Variants in RBKS observed in about 807,000 individuals in gnomAD.
RBKS encodes ribokinase.
Under a neutral mutation model 33.9 loss-of-function variants are expected in RBKS, and 33 were observed. The ratio of observed to expected loss-of-function variants is 0.97; its 90% CI spans 0.74 to 1.30. The LOEUF is 1.30. Among genes scored for constraint, RBKS ranks in the 50% most tolerant of loss-of-function variants. RBKS has a pLI of 0.00. For synonymous variants in RBKS, 125 were observed against 143.0 expected, an observed-to-expected ratio of 0.87 and a Z score of 0.90; for missense variants, 361 against 392.6, an observed-to-expected ratio of 0.92 and a Z score of 0.68.
intron 1 of RBKS, among the ~76,000 whole-genome samples, chr2:27,871,550 A>C (rs1354079459): frequency 6.6e-6 from 1 of 152,112 alleles, no homozygotes; most frequent in Admixed American, 6.6e-5. Context: ...TTTATTTTTT[A>C]CTAATTTGGC....
intron 7 of RBKS, among the ~76,000 whole-genome samples, chr2:27,821,412 T>C (rs531076284): frequency 1.3e-5 from 2 of 152,338 alleles, no homozygotes; most frequent in East Asian, 3.9e-4. Context: ...CAATTACACA[T>C]ATTAATCCTA....
intron 5 of RBKS, among the ~76,000 whole-genome samples, chr2:27,842,744 C>T (rs1214448787): frequency 6.6e-6 from 1 of 151,994 alleles, no homozygotes; most frequent in Non-Finnish European, 1.5e-5. Context: ...GCAACCTCCA[C>T]CTCTAGGGTT....
rs1678444942 is a variant in RBKS at position 27,832,733 on chromosome 2, G to A, written c.559C>T (p.Pro187Ser). ...ACATCTGAGAGGGTGTAGAACTGGG[G>A]ATCCAGGTCAGCAATGGCAGGGGCT... ...NPAPAIADLDPQFYTLSDVFC... is the reference protein window; with the variant it reads ...NPAPAIADLDSQFYTLSDVFC... The change falls in exon 6 of 8, where the codon CCC becomes TCC. Residue 187 changes from proline (P) to serine (S), a missense_variant. Transcript: ENST00000302188. The A allele has an allele frequency of 6.2e-7, 1 of 1,612,790 alleles. No individual in the cohort carries two copies. The highest frequency in any genetic ancestry group is 1.7e-5 in the Admixed American group (1 of 59,930).
intron 7 of RBKS, among the ~76,000 whole-genome samples, chr2:27,801,817 AAG>A (rs373339076): frequency 2.1e-3 from 323 of 151,326 alleles, no homozygotes; most frequent in Non-Finnish European, 3.5e-3. Context: ...GCAGGAGCAA[AAG>A]AGAGTGACGG....
chr2:27,845,036 C>T (rs887248430), intron 4 of RBKS, among the ~76,000 whole-genome samples: 1 of 152,214 alleles, frequency 6.6e-6, no homozygotes, highest in East Asian at 1.9e-4. Flanking sequence ...GGGGATGGTT[C>T]AGCATAAACC....
intron 1 of RBKS, chr2:27,861,665 G>GGGA: frequency 2.3e-6 from 1 of 426,290 alleles, no homozygotes; most frequent in East Asian, 8.5e-5. Context: ...TTTCTTTTTG[G>GGGA]GGGGGGGGTG....
At chr2:27,787,540 A>G (rs748784328) in intron 7 of RBKS, among the ~76,000 whole-genome samples, 1 of 152,174 alleles carries the variant, frequency 6.6e-6, no homozygotes, top group Non-Finnish European at 1.5e-5. Context: ...GATTACAGGT[A>G]CGAGCCACTG....
intron 7 of RBKS, among the ~76,000 whole-genome samples, chr2:27,825,219 C>T (rs1678287784): frequency 6.6e-6 from 1 of 152,164 alleles, no homozygotes; most frequent in Non-Finnish European, 1.5e-5. Context: ...TTATGTCCCC[C>T]CATGTGCAAA....
chr2:27,876,561 C>T (rs1242011661), intron 1 of RBKS, among the ~76,000 whole-genome samples: 2 of 152,130 alleles, frequency 1.3e-5, no homozygotes, highest in Non-Finnish European at 2.9e-5. Flanking sequence ...AAGTAAGTCA[C>T]ATAACGGCAA....
chr2:27,872,671 C>T lies in RBKS; in HGVS notation c.90-14100G>A, dbSNP rs79434976. 6.4e-3 allele frequency among the ~76,000 whole-genome samples: 976 copies of T among 152,080 alleles called. 8 individuals are homozygous for T. The highest frequency in any genetic ancestry group is 8.0e-3 in the Non-Finnish European group (542 of 67,990). ...GTCTAAGTATAACCAATAAATTAGC[C>T]GTAAAATACATAAAACCAAAAAAAT... On this transcript the variant is annotated intron_variant, in intron 1 of 7. Coordinates refer to ENST00000302188, the MANE Select transcript of RBKS (RefSeq NM_022128.3).
chr2:27,879,958 G>T (rs1336092078), intron 1 of RBKS, among the ~76,000 whole-genome samples: 4 of 152,110 alleles, frequency 2.6e-5, no homozygotes, highest in Non-Finnish European at 4.4e-5. Context: ...CCAAAAAACT[G>T]AGGAGGAGGG....
At chr2:27,841,520 T>C (rs966397284) in intron 5 of RBKS, among the ~76,000 whole-genome samples, 1 of 152,232 alleles carries the variant, frequency 6.6e-6, no homozygotes, top group Non-Finnish European at 1.5e-5. Flanking sequence ...AAATGGGTTT[T>C]GGCTTAGAAT....
chr2:27,856,974 A>G (rs757493680), intron 2 of RBKS, among the ~76,000 whole-genome samples: 8 of 152,226 alleles, frequency 5.3e-5, no homozygotes, highest in Non-Finnish European at 1.2e-4. Context: ...CAAGAGCTCA[A>G]TCTTAGCAAA....
At chr2:27,858,366 TA>T in intron 2 of RBKS, 72 bp downstream of exon 2, 1 of 1,487,900 alleles carries the variant, frequency 6.7e-7, no homozygotes, top group Non-Finnish European at 9.1e-7. Context: ...TTGAAAAAAT[TA>T]AAAACAATGA....
In RBKS at chr2:27,810,401, C is replaced by A. The variant is rs943301413; in HGVS notation, c.795+17166G>T. The stretch of plus-strand genomic sequence containing the variant: ...TTGCCTGTTACACAGATCATTCATT[C>A]CCTAGAAGGCAGGCATACTGGATGG... On this transcript the variant is annotated intron_variant, in intron 7 of 7. Transcript: ENST00000302188. This position sits in a 1 kb window ranked among gnomAD's most constrained non-coding sequence, Gnocchi z 4.4. Among the ~76,000 whole-genome samples, 55 of 152,040 alleles carry A rather than the reference C, an allele frequency of 3.6e-4. No homozygotes were observed. The highest frequency in any genetic ancestry group is 1.3e-3 in the African/African-American group (53 of 41,394).
At chr2:27,813,920 T>C (rs1678039726) in intron 7 of RBKS, among the ~76,000 whole-genome samples, 1 of 152,144 alleles carries the variant, frequency 6.6e-6, no homozygotes, top group South Asian at 2.1e-4. Context: ...TCAAATGTAT[T>C]ATTAATAGCT....
intron 5 of RBKS, among the ~76,000 whole-genome samples, chr2:27,840,374 A>ACGCG (rs1346026188): frequency 7.0e-6 from 1 of 143,084 alleles, no homozygotes; most frequent in African/African-American, 2.5e-5. Context: ...GCACACACAC[A>ACGCG]CACACACACA....
At chr2:27,822,792 C>T (rs1349066220) in intron 7 of RBKS, among the ~76,000 whole-genome samples, 1 of 152,090 alleles carries the variant, frequency 6.6e-6, no homozygotes, top group African/African-American at 2.4e-5. Flanking sequence ...TTCCCTGTGC[C>T]CCTGGCTTTT....
chr2:27,836,718 G>A (rs1434108782), intron 5 of RBKS, among the ~76,000 whole-genome samples: 1 of 152,086 alleles, frequency 6.6e-6, no homozygotes, highest in Non-Finnish European at 1.5e-5. Context: ...AAAACCTATA[G>A]AATGGGAGAA....
Sources: allele counts gnomAD v4.1 joint callset (sites outside exome capture counted in the v4.1 genomes callset), GRCh38; gene constraint gnomAD v4.1.1; non-coding constraint Gnocchi (gnomAD v3.1); transcripts MANE v1.5; gene names NCBI Gene and HGNC (gene_info 2026-07-23, HGNC 2026-07-21).